The following RAB38 variants were observed in gnomAD, a reference collection of about 807,000 sequenced individuals.
RAB38 encodes the protein RAB38, member RAS oncogene family.
In RAB38, 15 loss-of-function variants were observed where a neutral mutation model predicts 18.4. The ratio of observed to expected loss-of-function variants is 0.82; its 90% CI spans 0.55 to 1.26. RAB38 has a LOEUF of 1.26. Among genes scored for constraint, RAB38 ranks in the 50% most tolerant of loss-of-function variants. RAB38 has a pLI of 0.00. For synonymous variants in RAB38, 101 were observed against 104.4 expected (o/e 0.97, Z 0.20); for missense variants, 294 against 267.4 (o/e 1.10, Z -0.69).
the RAB38 span, among the ~76,000 whole-genome samples, chr11:87,883,363 A>C: frequency 2.0e-5 from 3 of 151,850 alleles, no homozygotes; most frequent in South Asian, 6.2e-4. Flanking sequence ...TTCAAACCTC[A>C]CGTTTGAAAT....
the RAB38 span, among the ~76,000 whole-genome samples, chr11:88,028,893 T>C: frequency 1.3e-5 from 2 of 151,974 alleles, no homozygotes; most frequent in African/African-American, 4.8e-5. Context: ...ACAAAGATAC[T>C]CCTCGAGAAG....
chr11:87,953,722 CA>C, the RAB38 span, among the ~76,000 whole-genome samples: 1 of 152,060 alleles, frequency 6.6e-6, no homozygotes, highest in Non-Finnish European at 1.5e-5. Context: ...GAGAGTCTTG[CA>C]ACATATTACC....
chr11:88,130,704 G>C (rs1213311316), intron 2 of RAB38, among the ~76,000 whole-genome samples: 1 of 152,144 alleles, frequency 6.6e-6, no homozygotes, highest in African/African-American at 2.4e-5. Flanking sequence ...TGTGCCTGAA[G>C]ACTATTAATT....
At chr11:87,935,730 C>A in the RAB38 span, among the ~76,000 whole-genome samples, 1 of 151,934 alleles carries the variant, frequency 6.6e-6, no homozygotes, top group Non-Finnish European at 1.5e-5. Context: ...TCTCTCTTGT[C>A]CTTTTATAGT....
chr11:87,845,687 G>A, the RAB38 span, among the ~76,000 whole-genome samples: 1,374 of 152,148 alleles, frequency 9.0e-3, 22 homozygotes, highest in African/African-American at 0.031. Flanking sequence ...TATAAATTCA[G>A]AATGCTTGGT....
At chr11:87,825,563 T>C in the RAB38 span, among the ~76,000 whole-genome samples, 1 of 152,234 alleles carries the variant, frequency 6.6e-6, no homozygotes, top group African/African-American at 2.4e-5. Context: ...GCCACCCTTA[T>C]GGCCTCATTT....
intron 1 of RAB38, chr11:88,173,852 A>T: frequency 1.0e-6 from 1 of 985,454 alleles, no homozygotes; most frequent in Non-Finnish European, 1.2e-6. Flanking sequence ...TAAAAGAAAA[A>T]GGCCTGGCAG....
At chr11:88,161,137 A>G (rs1429004125) in intron 1 of RAB38, among the ~76,000 whole-genome samples, 4 of 152,156 alleles carry the variant, frequency 2.6e-5, no homozygotes, top group African/African-American at 9.6e-5. Context: ...CATGTAATGT[A>G]GCACATTTTT....
At chr11:87,832,022 G>A in the RAB38 span, among the ~76,000 whole-genome samples, 1 of 152,190 alleles carries the variant, frequency 6.6e-6, no homozygotes, top group African/African-American at 2.4e-5. Flanking sequence ...CAAAAGAAAT[G>A]TTATATATGA....
At chr11:87,832,723 G>T in the RAB38 span, among the ~76,000 whole-genome samples, 2 of 152,084 alleles carry the variant, frequency 1.3e-5, no homozygotes, top group Non-Finnish European at 2.9e-5. Context: ...TCCATGTGGA[G>T]AGTGTACTCT....
the RAB38 span, among the ~76,000 whole-genome samples, chr11:87,965,292 TAA>T: frequency 2.0e-5 from 3 of 146,740 alleles, no homozygotes; most frequent in African/African-American, 7.5e-5. Context: ...TGTGTCTCAA[TAA>T]AAAAAAAAAA....
At chr11:87,904,974 C>G in the RAB38 span, among the ~76,000 whole-genome samples, 1 of 151,688 alleles carries the variant, frequency 6.6e-6, no homozygotes, top group Admixed American at 6.6e-5. Flanking sequence ...CATCCCTCTC[C>G]CATCCCTAAG....
At chr11:88,032,711 A>C in the RAB38 span, among the ~76,000 whole-genome samples, 2 of 152,216 alleles carry the variant, frequency 1.3e-5, no homozygotes, top group Admixed American at 1.3e-4. Context: ...GGCAATCATT[A>C]AAAAGTCAGG....
chr11:87,817,000 G>A, the RAB38 span: 1 of 152,074 alleles, frequency 6.6e-6, no homozygotes, highest in Admixed American at 6.6e-5. Flanking sequence ...TCATTCATAA[G>A]CTTATGTCAT....
the RAB38 span, among the ~76,000 whole-genome samples, chr11:88,003,973 G>T: frequency 9.3e-5 from 11 of 118,308 alleles, no homozygotes; most frequent in African/African-American, 2.9e-4. Flanking sequence ...ATATATAAAG[G>T]TATATGCATA....
intron 1 of RAB38, among the ~76,000 whole-genome samples, chr11:88,171,373 C>A (rs952887821): frequency 6.6e-6 from 1 of 152,126 alleles, no homozygotes; most frequent in African/African-American, 2.4e-5. Flanking sequence ...CTTTTGCTTA[C>A]AGAGACTACA....
chr11:88,078,323 C>A, the RAB38 span, among the ~76,000 whole-genome samples: 1 of 151,748 alleles, frequency 6.6e-6, no homozygotes. Context: ...GTTATATATC[C>A]AAAAGAAAGA....
the RAB38 span, among the ~76,000 whole-genome samples, chr11:87,977,487 T>TTAC: frequency 6.4e-5 from 3 of 46,776 alleles, no homozygotes; most frequent in Non-Finnish European, 1.2e-4. Context: ...TATAATTATA[T>TTAC]ATAATATAAT....
chr11:88,086,951 A>G, the RAB38 span, among the ~76,000 whole-genome samples: 21 of 150,020 alleles, frequency 1.4e-4, no homozygotes, highest in African/African-American at 5.2e-4. Flanking sequence ...TTTAAAAAGC[A>G]GGCTGGACAA....
Sources: gnomAD v4.1 joint callset for allele counts (sites outside exome capture counted in the v4.1 genomes callset) on GRCh38, gnomAD v4.1.1 for gene constraint, MANE v1.5 for transcripts, NCBI Gene and HGNC (gene_info 2026-07-23, HGNC 2026-07-21) for gene names.